MLLT3: variants seen among roughly 807,000 people sequenced by gnomAD.
MLLT3 encodes protein AF-9.
MLLT3 carries 4 observed loss-of-function variants against 53.2 expected under a neutral mutation model. The ratio of observed to expected loss-of-function variants is 0.08; its 90% confidence interval spans 0.04 to 0.17. MLLT3 has a LOEUF of 0.17. Ranked by LOEUF, MLLT3 falls within the 10% of genes least tolerant of loss-of-function variation. The probability of loss-of-function intolerance (pLI) is 1.00; values close to 1 mark genes in which losing one functional copy is unlikely to be tolerated. For missense variants in MLLT3, 569 were observed against 684.0 expected (o/e 0.83, Z 1.87); for synonymous variants, 283 against 230.6 (o/e 1.23, Z -2.06).
chr9:20,354,789 TA>T lies in MLLT3; in HGVS notation c.1503+18del. On this transcript the variant is annotated intron_variant, in intron 9 of 10. Transcript: ENST00000380338. The stretch of plus-strand genomic sequence containing the variant: ...CTTGTCAGTGTTGGAGCCCTCCTAG[TA>T]ACAGACTAGAAACCTACCTTGTCAC... The T allele has an allele frequency of 6.4e-7, 1 of 1,557,922 alleles. No individual in the cohort carries two copies. Among genetic ancestry groups the T allele is most frequent in the Non-Finnish European group, 8.8e-7 (1 of 1,130,550 alleles).
chr9:20,616,488 T>TA lies in MLLT3; in HGVS notation c.193+4165dup, dbSNP rs200166458. Among the ~76,000 whole-genome samples, 814 of 151,664 alleles carry TA rather than the reference T, an allele frequency of 5.4e-3. 4 individuals are homozygous for TA. The highest frequency in any genetic ancestry group is 0.017 in the African/African-American group (710 of 41,398). On this transcript the variant is annotated intron_variant, in intron 2 of 10. Coordinates refer to ENST00000380338, the MANE Select transcript of MLLT3 (RefSeq NM_004529.4). ...TGTTTTAAATATACGGAGTTAACTT[T>TA]AAAAAAAAATCAAACACTACAAAAA...
At chr9:20,557,161 ACAGACC>A (rs1819082108) in intron 2 of MLLT3, among the ~76,000 whole-genome samples, 1 of 152,016 alleles carries the variant, frequency 6.6e-6, no homozygotes, top group South Asian at 2.1e-4. Flanking sequence ...CACCAAGAAA[ACAGACC>A]CAGTCCTCCT....
chr9:20,498,084 G>T (rs567004114), intron 2 of MLLT3, among the ~76,000 whole-genome samples: 1 of 151,588 alleles, frequency 6.6e-6, no homozygotes, highest in African/African-American at 2.4e-5. Context: ...TTAGCTGGGC[G>T]TGGTGGCATG....
intron 2 of MLLT3, among the ~76,000 whole-genome samples, chr9:20,611,209 C>T (rs1820694361): frequency 6.6e-6 from 1 of 151,994 alleles, no homozygotes; most frequent in Non-Finnish European, 1.5e-5. Context: ...AATAATCAGA[C>T]AGTATTCTAT....
intron 2 of MLLT3, among the ~76,000 whole-genome samples, chr9:20,584,645 T>A (rs564537747): frequency 6.6e-6 from 1 of 152,154 alleles, no homozygotes; most frequent in East Asian, 1.9e-4. Flanking sequence ...GATAAACCCA[T>A]CAGATCTCAC....
At chr9:20,404,202 T>C (rs1336826653) in intron 5 of MLLT3, among the ~76,000 whole-genome samples, 1 of 152,180 alleles carries the variant, frequency 6.6e-6, no homozygotes, top group Admixed American at 6.5e-5. Context: ...TTAGGCCAAA[T>C]AGGAAATGAC....
chr9:20,620,825 G>C lies in MLLT3; in HGVS notation c.22C>G (p.Gln8Glu), dbSNP rs1820981381. The C allele has an allele frequency of 6.2e-7, 1 of 1,613,904 alleles. No homozygotes were observed. The highest frequency in any genetic ancestry group is 1.3e-5 in the African/African-American group (1 of 74,894). The change falls in exon 2 of 11, where the codon CAG (glutamine) becomes GAG (glutamate). Residue 8 changes from glutamine to glutamate, a missense_variant. This residue lies in a region of MLLT3 where 13 missense variants were observed against 16.2 expected (regional missense o/e 0.80). Transcript: ENST00000380338. This position sits in a 1 kb window ranked among gnomAD's most constrained non-coding sequence, Gnocchi z 6.1. MASSCAVQVKLELGHRAQ... is the reference protein window; with the variant it reads MASSCAVEVKLELGHRAQ... ...CGGTGCCCCAGCTCCAGCTTCACCT[G>C]CACGGCACACTGCGGGCAGGGGGAG...
At chr9:20,413,475 T>C (rs1822782851) in intron 5 of MLLT3, among the ~76,000 whole-genome samples, 1 of 152,218 alleles carries the variant, frequency 6.6e-6, no homozygotes, top group Non-Finnish European at 1.5e-5. Context: ...AAATGACCCA[T>C]TATAATGCTA....
At chr9:20,618,299 C>A (rs1330048315) in intron 2 of MLLT3, among the ~76,000 whole-genome samples, 1 of 152,184 alleles carries the variant, frequency 6.6e-6, no homozygotes, top group African/African-American at 2.4e-5. Flanking sequence ...TCTTGGCATT[C>A]TTATTCTATA....
chr9:20,592,632 C>T (rs1040657495), intron 2 of MLLT3, among the ~76,000 whole-genome samples: 1 of 152,124 alleles, frequency 6.6e-6, no homozygotes, highest in Non-Finnish European at 1.5e-5. Flanking sequence ...GGGTAGGGGG[C>T]ACATAATTTG....
At chr9:20,485,509 C>G (rs923331348) in intron 2 of MLLT3, among the ~76,000 whole-genome samples, 1 of 152,120 alleles carries the variant, frequency 6.6e-6, no homozygotes, top group African/African-American at 2.4e-5. Flanking sequence ...ATCTTATTTT[C>G]GAATAATTCA....
At chr9:20,619,450 C>T (rs1048649481) in intron 2 of MLLT3, among the ~76,000 whole-genome samples, 2 of 152,222 alleles carry the variant, frequency 1.3e-5, no homozygotes, top group Non-Finnish European at 2.9e-5. Flanking sequence ...CTTCTCCTTT[C>T]TTTATTCAGC....
chr9:20,555,182 T>A (rs1356020645), intron 2 of MLLT3, among the ~76,000 whole-genome samples: 1 of 152,176 alleles, frequency 6.6e-6, no homozygotes, highest in East Asian at 1.9e-4. Context: ...GTCATCTAAC[T>A]GACCCCACAA....
intron 2 of MLLT3, among the ~76,000 whole-genome samples, chr9:20,575,836 G>A (rs1381625882): frequency 1.3e-5 from 2 of 152,204 alleles, no homozygotes; most frequent in Non-Finnish European, 2.9e-5. Context: ...TTTTCAGAAT[G>A]TAAACGAGCA....
intron 8 of MLLT3, among the ~76,000 whole-genome samples, chr9:20,358,088 T>C (rs942483394): frequency 6.6e-6 from 1 of 152,054 alleles, no homozygotes; most frequent in Non-Finnish European, 1.5e-5. Flanking sequence ...ATTTTTACTC[T>C]CTTATACCAT....
intron 2 of MLLT3, among the ~76,000 whole-genome samples, chr9:20,509,010 G>A (rs1252698654): frequency 6.6e-6 from 1 of 152,208 alleles, no homozygotes; most frequent in African/African-American, 2.4e-5. Flanking sequence ...ACAGGTCAAT[G>A]TACATCAGTG....
intron 8 of MLLT3, among the ~76,000 whole-genome samples, chr9:20,360,481 A>T (rs1821286955): frequency 6.6e-6 from 1 of 152,240 alleles, no homozygotes; most frequent in Non-Finnish European, 1.5e-5. Flanking sequence ...GTAAATGGTA[A>T]ATGGGCAATA....
intron 2 of MLLT3, among the ~76,000 whole-genome samples, chr9:20,582,484 T>A (rs753249810): frequency 2.0e-5 from 3 of 152,180 alleles, no homozygotes; most frequent in Non-Finnish European, 4.4e-5. Flanking sequence ...AAAATTGAAG[T>A]CATATAATAT....
chr9:20,526,180 A>T (rs1156720213), intron 2 of MLLT3, among the ~76,000 whole-genome samples: 5 of 152,242 alleles, frequency 3.3e-5, no homozygotes, highest in Non-Finnish European at 7.3e-5. Flanking sequence ...GAACTTTTTT[A>T]AAAAGTAAGC....
Sources: gnomAD v4.1 joint callset for allele counts (sites outside exome capture counted in the v4.1 genomes callset) on GRCh38, gnomAD v4.1.1 for gene constraint, gnomAD v4.1.1 regional missense constraint, Gnocchi (gnomAD v3.1) non-coding constraint, MANE v1.5 for transcripts, NCBI Gene and HGNC (gene_info 2026-07-23, HGNC 2026-07-21) for gene names.